The following HS3ST3A1 variants were observed in gnomAD, a reference collection of about 807,000 sequenced individuals.
The protein encoded by HS3ST3A1 is heparan sulfate-glucosamine 3-sulfotransferase 3A1, also known as heparan sulfate glucosamine 3-O-sulfotransferase 3A1.
In HS3ST3A1, 19 loss-of-function variants were observed where a neutral mutation model predicts 25.7. The observed-to-expected ratio is 0.74, with a 90% CI of 0.52 to 1.08. The LOEUF (loss-of-function observed/expected upper bound fraction) is 1.08. Among genes scored for constraint, HS3ST3A1 ranks in the 50% least tolerant of loss-of-function variants. The probability of loss-of-function intolerance (pLI) is 0.00; values close to 1 mark genes in which losing one functional copy is unlikely to be tolerated. For synonymous variants in HS3ST3A1, 226 were observed against 278.6 expected (o/e 0.81, Z 1.88); for missense variants, 459 against 594.3 (o/e 0.77, Z 2.37).
rs112632338 is a variant in HS3ST3A1 at position 13,547,165 on chromosome 17, C to A, written c.600-50347G>T. On this transcript the variant is annotated intron_variant, in intron 1 of 1. Coordinates refer to ENST00000284110, the MANE Select transcript of HS3ST3A1 (RefSeq NM_006042.3). ...AGAAAATAAGTCTTCAACTTCATCC[C>A]TCCCCATAGCATCTAACACTATGTC... is the stretch of plus-strand genomic sequence containing the variant. Among the ~76,000 whole-genome samples the A allele has an allele frequency of 2.7e-3, 414 of 152,318 alleles. 4 individuals carry two copies. Among genetic ancestry groups the A allele is most frequent in the African/African-American group, 9.0e-3 (374 of 41,578 alleles).
intron 1 of HS3ST3A1, among the ~76,000 whole-genome samples, chr17:13,516,846 C>T (rs542014906): frequency 6.6e-6 from 1 of 152,236 alleles, no homozygotes; most frequent in Admixed American, 6.5e-5. Context: ...GCCACTACGC[C>T]CGGCTAATTT....
chr17:13,518,107 G>A (rs1286607739), intron 1 of HS3ST3A1, among the ~76,000 whole-genome samples: 1 of 152,108 alleles, frequency 6.6e-6, no homozygotes, highest in Non-Finnish European at 1.5e-5. Context: ...TCTTACTGGA[G>A]GGTGAGGTAG....
intron 1 of HS3ST3A1, among the ~76,000 whole-genome samples, chr17:13,502,298 C>A (rs4307986): frequency 1.3e-5 from 2 of 152,110 alleles, no homozygotes; most frequent in African/African-American, 2.4e-5. Context: ...AGAGGACTTT[C>A]CCACTGCCAC....
intron 1 of HS3ST3A1, among the ~76,000 whole-genome samples, chr17:13,572,881 A>G (rs1250158635): frequency 6.6e-6 from 1 of 152,212 alleles, no homozygotes. Flanking sequence ...TTAAAATTGT[A>G]TATATTGAAT....
At chr17:13,544,150 T>C (rs1345627291) in intron 1 of HS3ST3A1, among the ~76,000 whole-genome samples, 1 of 152,238 alleles carries the variant, frequency 6.6e-6, no homozygotes, top group East Asian at 1.9e-4. Context: ...ATTCATATGA[T>C]GAAAATATAT....
At chr17:13,576,948 T>C (rs1464293270) in intron 1 of HS3ST3A1, among the ~76,000 whole-genome samples, 1 of 152,162 alleles carries the variant, frequency 6.6e-6, no homozygotes, top group Non-Finnish European at 1.5e-5. Flanking sequence ...GACTGGGTAA[T>C]TTATAAAGGA....
At chr17:13,563,044 A>G (rs547186759) in intron 1 of HS3ST3A1, among the ~76,000 whole-genome samples, 2 of 151,446 alleles carry the variant, frequency 1.3e-5, no homozygotes, top group South Asian at 2.1e-4. Flanking sequence ...AGATTCTTGA[A>G]GGTCCACGAT....
chr17:13,536,293 T>C (rs1352390793), intron 1 of HS3ST3A1, among the ~76,000 whole-genome samples: 1 of 143,706 alleles, frequency 7.0e-6, no homozygotes, highest in Admixed American at 6.7e-5. Flanking sequence ...AATTTCTGTT[T>C]GGAGACAAAA....
At chr17:13,534,585 G>A (rs550670201) in intron 1 of HS3ST3A1, among the ~76,000 whole-genome samples, 105 of 128,294 alleles carry the variant, frequency 8.2e-4, no homozygotes, top group Non-Finnish European at 1.4e-3. Flanking sequence ...AAAGTTAGCC[G>A]GGCATGGTGG....
intron 1 of HS3ST3A1, among the ~76,000 whole-genome samples, chr17:13,573,015 C>T (rs1315407058): frequency 3.3e-5 from 5 of 152,298 alleles, no homozygotes; most frequent in Admixed American, 2.6e-4. Flanking sequence ...AGAAAGATTA[C>T]AGCCAACTCC....
chr17:13,524,916 G>T (rs978534089), intron 1 of HS3ST3A1, among the ~76,000 whole-genome samples: 3 of 152,052 alleles, frequency 2.0e-5, no homozygotes, highest in African/African-American at 4.8e-5. Flanking sequence ...ACTACATAAA[G>T]GTTCATAAAT....
At chr17:13,547,097 C>T (rs1221034207) in intron 1 of HS3ST3A1, among the ~76,000 whole-genome samples, 1 of 152,166 alleles carries the variant, frequency 6.6e-6, no homozygotes, top group African/African-American at 2.4e-5. Context: ...GACCACATGT[C>T]TTACACAGAG....
At chr17:13,550,716 C>T (rs567027404) in intron 1 of HS3ST3A1, among the ~76,000 whole-genome samples, 1 of 151,826 alleles carries the variant, frequency 6.6e-6, no homozygotes, top group African/African-American at 2.4e-5. Context: ...AAAACAACAA[C>T]AACAACAACA....
intron 1 of HS3ST3A1, among the ~76,000 whole-genome samples, chr17:13,558,311 G>T (rs1451964187): frequency 2.6e-5 from 4 of 151,880 alleles, no homozygotes; most frequent in Non-Finnish European, 5.9e-5. Context: ...ACAAAAATTG[G>T]ATGTGCAAAA....
intron 1 of HS3ST3A1, among the ~76,000 whole-genome samples, chr17:13,528,445 A>G (rs1022731040): frequency 6.6e-6 from 1 of 152,162 alleles, no homozygotes; most frequent in Non-Finnish European, 1.5e-5. Context: ...CTTGGTCAAT[A>G]GTGGAACAAG....
At chr17:13,555,475 G>A (rs1212298341) in intron 1 of HS3ST3A1, among the ~76,000 whole-genome samples, 4 of 152,088 alleles carry the variant, frequency 2.6e-5, no homozygotes, top group African/African-American at 9.7e-5. Context: ...AACAGAAATG[G>A]GGCTGAGACT....
At chr17:13,516,350 T>C (rs1403095890) in intron 1 of HS3ST3A1, among the ~76,000 whole-genome samples, 1 of 152,182 alleles carries the variant, frequency 6.6e-6, no homozygotes, top group Non-Finnish European at 1.5e-5. Flanking sequence ...AAGTTCTTTA[T>C]ATATTCAAAA....
At chr17:13,514,211 C>T (rs1905980301) in intron 1 of HS3ST3A1, among the ~76,000 whole-genome samples, 1 of 151,694 alleles carries the variant, frequency 6.6e-6, no homozygotes, top group African/African-American at 2.4e-5. Flanking sequence ...TAGCAAACAT[C>T]CAGTTTATCC....
chr17:13,555,618 C>T (rs1049007669), intron 1 of HS3ST3A1, among the ~76,000 whole-genome samples: 5 of 152,146 alleles, frequency 3.3e-5, no homozygotes, highest in East Asian at 1.9e-4. Context: ...CTTACTTACA[C>T]GTGGAGTTTT....
Sources: allele counts gnomAD v4.1 joint callset (sites outside exome capture counted in the v4.1 genomes callset), GRCh38; gene constraint gnomAD v4.1.1; transcripts MANE v1.5; gene names NCBI Gene and HGNC (gene_info 2026-07-23, HGNC 2026-07-21).